Variants in SRRM4 observed in about 807,000 individuals in gnomAD.
SRRM4 encodes serine/arginine repetitive matrix protein 4.
Under a neutral mutation model 68.9 loss-of-function variants are expected in SRRM4, and 33 were observed. The observed-to-expected ratio is 0.48, with a 90% CI of 0.36 to 0.64. SRRM4 has a LOEUF of 0.64. SRRM4 is among the 30% of genes least tolerant of loss of function. The pLI, the probability that SRRM4 is intolerant of heterozygous loss-of-function variation, is 0.00. For synonymous variants in SRRM4, 318 were observed against 318.8 expected (o/e 1.00, Z 0.03); for missense variants, 817 against 827.1 (o/e 0.99, Z 0.15).
rs1953925110 is a variant in SRRM4 at position 119,077,742 on chromosome 12, TATC to T, written c.132-24493_132-24491del. Among the ~76,000 whole-genome samples, 3 of 152,328 alleles carry T rather than the reference TATC, an allele frequency of 2.0e-5. No individual in the cohort carries two copies. The South Asian group carries it at 6.2e-4, about 32-fold the overall frequency. On this transcript the variant is annotated intron_variant, in intron 1 of 12. Coordinates refer to ENST00000267260, the MANE Select transcript of SRRM4 (RefSeq NM_194286.4). ...AATGTCTACAAAGCTCTTAGTACCC[TATC>T]TGGCACACAGTAGCTATCCCATAAA...
chr12:119,094,617 C>T (rs1723933600), intron 1 of SRRM4, among the ~76,000 whole-genome samples: 1 of 152,220 alleles, frequency 6.6e-6, no homozygotes, highest in African/African-American at 2.4e-5. Context: ...TGCTCTTCCT[C>T]CTTTTTGTTC....
intron 1 of SRRM4, among the ~76,000 whole-genome samples, chr12:119,043,148 A>G (rs1025751978): frequency 3.9e-5 from 6 of 152,256 alleles, no homozygotes; most frequent in African/African-American, 1.4e-4. Flanking sequence ...CCAAATGCCC[A>G]TCAATGATAG....
chr12:119,067,061 G>T (rs1450785501), intron 1 of SRRM4, among the ~76,000 whole-genome samples: 1 of 151,992 alleles, frequency 6.6e-6, no homozygotes, highest in African/African-American at 2.4e-5. Context: ...TGCCCTTCTA[G>T]TCTCATCTCA....
At chr12:119,156,298 T>C (rs1954470634) in intron 12 of SRRM4, among the ~76,000 whole-genome samples, 197 bp from the exon 13 acceptor site, 1 of 152,228 alleles carries the variant, frequency 6.6e-6, no homozygotes, top group Non-Finnish European at 1.5e-5. Flanking sequence ...TAATCATTTT[T>C]CAAGACATAC....
intron 1 of SRRM4, among the ~76,000 whole-genome samples, chr12:119,003,039 T>C (rs1953394845): frequency 6.6e-6 from 1 of 151,868 alleles, no homozygotes; most frequent in Non-Finnish European, 1.5e-5. Context: ...ACAACACTCA[T>C]TCAACGTCCC....
intron 1 of SRRM4, chr12:119,069,807 G>C (rs1953866560): frequency 6.6e-6 from 1 of 152,168 alleles, no homozygotes; most frequent in South Asian, 2.1e-4. Context: ...CTTAAGCTAT[G>C]GCTCATGGCA....
chr12:119,158,970 TG>T lies in SRRM4; in HGVS notation c.*2173del, dbSNP rs1954491731. The T allele has an allele frequency of 4.0e-5, 1 of 24,876 alleles. No individual in the cohort carries two copies. The highest frequency in any genetic ancestry group is 1.3e-3 in the South Asian group (1 of 758). 1.5% of individuals were successfully genotyped at this position (24,876 alleles called of 1,614,324 possible). On this transcript the variant is annotated 3_prime_UTR_variant, in exon 13 of 13. Coordinates refer to ENST00000267260, the MANE Select transcript of SRRM4 (RefSeq NM_194286.4). ...ATTATTTATTTATACAGAGGTTTTG[TG>T]TGTGTGTGTGTGTGTGTGTGTGTGT...
intron 8 of SRRM4, among the ~76,000 whole-genome samples, chr12:119,133,902 T>C (rs1023566131): frequency 2.0e-5 from 3 of 152,118 alleles, no homozygotes; most frequent in African/African-American, 4.8e-5. Flanking sequence ...AGATGCTTAT[T>C]TGGGGGTGCA....
At chr12:118,982,104 G>T (rs1953251575) in intron 1 of SRRM4, 91 bp downstream of exon 1, 2 of 1,466,510 alleles carry the variant, frequency 1.4e-6, no homozygotes, top group Non-Finnish European at 1.8e-6. Context: ...CAGGCAGCCG[G>T]GCCAGGGCGC....
At chr12:119,039,041 A>G (rs1953648081) in intron 1 of SRRM4, among the ~76,000 whole-genome samples, 1 of 152,236 alleles carries the variant, frequency 6.6e-6, no homozygotes, top group African/African-American at 2.4e-5. Flanking sequence ...AGCTGAAGAA[A>G]TAAAGAAAAT....
intron 1 of SRRM4, among the ~76,000 whole-genome samples, chr12:119,005,753 T>C (rs1953412247): frequency 6.6e-6 from 1 of 152,218 alleles, no homozygotes; most frequent in Non-Finnish European, 1.5e-5. Context: ...GTTTGCATTA[T>C]TGTTACTGAT....
In SRRM4 at chr12:119,160,277, G is replaced by GTCTC. The variant is rs1185496603; in HGVS notation, c.*3487_*3490dup. 6.2e-4 allele frequency: 81 copies of GTCTC among 131,082 alleles called. No homozygotes were observed. Among genetic ancestry groups the GTCTC allele is most frequent in the African/African-American group, 2.3e-3 (79 of 34,416 alleles). The allele number at this position is 131,082 out of a possible 1,614,324, so 8.1% of individuals were successfully genotyped here. On this transcript the variant is annotated 3_prime_UTR_variant, in exon 13 of 13. Transcript: ENST00000267260. ...TCTCTCTCTCTCTGTCTCTCTCTCT[G>GTCTC]TCTCTCTCTCTGTCTCTCTCTCTCT... is the stretch of plus-strand genomic sequence containing the variant.
intron 1 of SRRM4, among the ~76,000 whole-genome samples, chr12:119,039,152 G>A (rs1434088587): frequency 6.6e-6 from 1 of 152,128 alleles, no homozygotes; most frequent in African/African-American, 2.4e-5. Flanking sequence ...CACCAAACTG[G>A]GGCACCAACA....
chr12:119,114,170 A>T, intron 2 of SRRM4, 108 bp from the exon 3 acceptor site: 1 of 830,928 alleles, frequency 1.2e-6, no homozygotes, highest in Non-Finnish European at 2.0e-6. Flanking sequence ...CACTGGCTAT[A>T]GGTCCTTGAT....
intron 8 of SRRM4, among the ~76,000 whole-genome samples, chr12:119,144,335 G>A (rs1050726955): frequency 6.6e-5 from 10 of 152,152 alleles, no homozygotes; most frequent in Admixed American, 2.0e-4. Flanking sequence ...AGGTTGGCTA[G>A]GTTAGGTCCC....
intron 1 of SRRM4, among the ~76,000 whole-genome samples, chr12:119,075,491 ATGG>A (rs1953903986): frequency 6.8e-6 from 1 of 146,662 alleles, no homozygotes; most frequent in Non-Finnish European, 1.5e-5. Flanking sequence ...GGTGATGATG[ATGG>A]TGGTGATGGT....
intron 1 of SRRM4, among the ~76,000 whole-genome samples, chr12:119,012,954 C>T (rs977557814): frequency 2.6e-5 from 4 of 152,170 alleles, no homozygotes; most frequent in African/African-American, 9.7e-5. Flanking sequence ...TGTTTTACAT[C>T]AACCTGGGAG....
intron 4 of SRRM4, 139 bp from the exon 5 acceptor site, chr12:119,120,111 T>G: frequency 1.8e-6 from 1 of 553,308 alleles, no homozygotes; most frequent in Non-Finnish European, 3.2e-6. Context: ...CTCCCTCCCT[T>G]CCTTCACCAT....
intron 1 of SRRM4, among the ~76,000 whole-genome samples, chr12:118,986,255 C>G (rs1199999186): frequency 6.6e-6 from 1 of 152,120 alleles, no homozygotes; most frequent in Non-Finnish European, 1.5e-5. Context: ...GGTTAAGAGC[C>G]AATGCGCTGA....
Sources: gnomAD v4.1 joint callset for allele counts (sites outside exome capture counted in the v4.1 genomes callset) on GRCh38, gnomAD v4.1.1 for gene constraint, MANE v1.5 for transcripts, NCBI Gene and HGNC (gene_info 2026-07-23, HGNC 2026-07-21) for gene names.